Variants in TMEM266 observed in about 807,000 individuals in gnomAD.
TMEM266 encodes the protein transmembrane protein 266.
TMEM266 carries 33 observed loss-of-function variants against 50.5 expected under a neutral mutation model. That is an observed-to-expected ratio of 0.65 (90% confidence interval 0.50 to 0.87). TMEM266 has a LOEUF of 0.87. Among genes scored for constraint, TMEM266 ranks in the 40% least tolerant of loss-of-function variants. The pLI is 0.00. For synonymous variants in TMEM266, 310 were observed against 292.3 expected (o/e 1.06, Z -0.62); for missense variants, 655 against 695.1 (o/e 0.94, Z 0.65).
At chr15:76,166,161 C>A (rs955838806) in intron 5 of TMEM266, among the ~76,000 whole-genome samples, 13 of 152,026 alleles carry the variant, frequency 8.6e-5, no homozygotes, top group Non-Finnish European at 1.8e-4. Context: ...CGGGGCAGGG[C>A]AGTGAGGTTC....
At chr15:76,198,359 G>GGGC (rs1405988412) in intron 9 of TMEM266, among the ~76,000 whole-genome samples, 2 of 151,110 alleles carry the variant, frequency 1.3e-5, no homozygotes, top group African/African-American at 4.9e-5. Context: ...GGACTCCTCA[G>GGGC]GGCTGAATCA....
intron 3 of TMEM266, among the ~76,000 whole-genome samples, chr15:76,151,726 G>A (rs2037846645): frequency 6.6e-6 from 1 of 152,056 alleles, no homozygotes; most frequent in Admixed American, 6.5e-5. Context: ...CCTCTTAGTA[G>A]GCCGCCAGAA....
intron 1 of TMEM266, among the ~76,000 whole-genome samples, chr15:76,077,515 G>T (rs2036623483): frequency 6.6e-6 from 1 of 152,008 alleles, no homozygotes; most frequent in African/African-American, 2.4e-5. Flanking sequence ...CTGGAAAAGG[G>T]GTCTTTGCAG....
intron 3 of TMEM266, 101 bp downstream of exon 3, chr15:76,137,996 C>T: frequency 1.7e-6 from 2 of 1,206,922 alleles, no homozygotes; most frequent in South Asian, 1.6e-5. Context: ...CAGAGGCGGG[C>T]AGATCACCTG....
chr15:76,199,520 C>T (rs930096444), intron 9 of TMEM266, among the ~76,000 whole-genome samples: 3 of 147,858 alleles, frequency 2.0e-5, no homozygotes, highest in Non-Finnish European at 4.5e-5. Flanking sequence ...GGTCTGGCCT[C>T]AGCTCCTGCA....
chr15:76,198,643 T>C (rs1160147770), intron 9 of TMEM266, among the ~76,000 whole-genome samples: 2 of 152,244 alleles, frequency 1.3e-5, no homozygotes, highest in African/African-American at 4.8e-5. Context: ...TTCTGTCCAG[T>C]CCAGCCTAAT....
chr15:76,126,308 G>A (rs1293968099), intron 1 of TMEM266, among the ~76,000 whole-genome samples: 1 of 149,132 alleles, frequency 6.7e-6, no homozygotes, highest in Non-Finnish European at 1.5e-5. Context: ...TCCAAGATTT[G>A]GAAGCAACCT....
chr15:76,097,609 G>A lies in TMEM266; in HGVS notation c.-96-36559G>A, dbSNP rs149512560. ...TCTTCTTGAGGAGTATCTTTGTGGT[G>A]TTCTCTGTATTTCCTGAATTTGAAT... On this transcript the variant is annotated intron_variant, in intron 1 of 10. Coordinates refer to ENST00000388942, the MANE Select transcript of TMEM266 (RefSeq NM_152335.3). Among the ~76,000 whole-genome samples, 2 of 151,612 alleles carry A rather than the reference G, an allele frequency of 1.3e-5. 1 individual carries two copies. Among genetic ancestry groups the A allele is most frequent in the Non-Finnish European group, 2.9e-5 (2 of 67,884 alleles).
chr15:76,072,166 C>T (rs1046141707), intron 1 of TMEM266, among the ~76,000 whole-genome samples: 5 of 151,900 alleles, frequency 3.3e-5, no homozygotes, highest in African/African-American at 9.7e-5. Context: ...CGGCCGGGTG[C>T]GGTGGCTCAT....
At chr15:76,077,661 C>T (rs76020251) in intron 1 of TMEM266, among the ~76,000 whole-genome samples, 7 of 151,942 alleles carry the variant, frequency 4.6e-5, no homozygotes, top group African/African-American at 1.2e-4. Flanking sequence ...GCAACGTGAC[C>T]GTGGATACAG....
intron 1 of TMEM266, among the ~76,000 whole-genome samples, chr15:76,124,369 A>G (rs1346182257): frequency 1.3e-5 from 2 of 152,202 alleles, no homozygotes; most frequent in African/African-American, 4.8e-5. Context: ...AAAACTAGAA[A>G]ACATTGTTGA....
At chr15:76,065,265 G>A (rs896170921) in intron 1 of TMEM266, among the ~76,000 whole-genome samples, 2 of 152,128 alleles carry the variant, frequency 1.3e-5, no homozygotes, top group Non-Finnish European at 2.9e-5. Context: ...TTCTATGCAA[G>A]GCTCTATCAC....
At chr15:76,134,341 T>C in intron 2 of TMEM266, 40 bp downstream of exon 2, 1 of 1,592,698 alleles carries the variant, frequency 6.3e-7, no homozygotes, top group Non-Finnish European at 8.6e-7. Flanking sequence ...TCCAGAACTG[T>C]GGCTATAAAT....
At position 76,134,202 on chromosome 15, in the gene TMEM266, G is replaced by T; in HGVS notation, c.-62G>T. ...TTTGTATGTGTCTTGTAGAACCCAC[G>T]CTTGGAAATGCTGACAGCAGGCTTC... On this transcript the variant is annotated 5_prime_UTR_variant, in exon 2 of 11. Transcript: ENST00000388942. 1 of 1,571,208 alleles carries T rather than the reference G, an allele frequency of 6.4e-7. No individual in the cohort carries two copies. Among genetic ancestry groups the T allele is most frequent in the South Asian group, 1.1e-5 (1 of 89,572 alleles).
Position 76,204,447 on chromosome 15 carries a change from C to A in TMEM266, c.*132C>A. The A allele has an allele frequency of 1.2e-6, 1 of 844,146 alleles. No individual in the cohort carries two copies. Among genetic ancestry groups the A allele is most frequent in the Non-Finnish European group, 1.8e-6 (1 of 555,944 alleles). The allele number at this position is 844,146 out of a possible 1,614,324, so 52.3% of individuals were successfully genotyped here. On this transcript the variant is annotated 3_prime_UTR_variant, in exon 11 of 11. Transcript: ENST00000388942. The stretch of plus-strand genomic sequence containing the variant: ...CCTCCCTCAGGGTGCTGCCTGCCTC[C>A]AGGGAGGCGACGCCAGGCCAGGAGG...
intron 3 of TMEM266, among the ~76,000 whole-genome samples, chr15:76,141,515 AGG>A (rs1202596867): frequency 1.3e-5 from 2 of 152,160 alleles, no homozygotes; most frequent in Non-Finnish European, 2.9e-5. Flanking sequence ...TTGGGATTAC[AGG>A]CGTGAGCCAC....
intron 1 of TMEM266, among the ~76,000 whole-genome samples, chr15:76,061,701 C>T (rs2036307095): frequency 6.6e-6 from 1 of 152,202 alleles, no homozygotes; most frequent in Non-Finnish European, 1.5e-5. Flanking sequence ...CCATTTAATT[C>T]TCACACACAA....
intron 1 of TMEM266, among the ~76,000 whole-genome samples, chr15:76,131,255 T>C (rs1434189220): frequency 6.6e-6 from 1 of 152,178 alleles, no homozygotes; most frequent in African/African-American, 2.4e-5. Flanking sequence ...TAATCCCAGC[T>C]ACTTGGGAGG....
intron 1 of TMEM266, among the ~76,000 whole-genome samples, chr15:76,089,763 G>A (rs2036824618): frequency 6.6e-6 from 1 of 152,164 alleles, no homozygotes; most frequent in South Asian, 2.1e-4. Context: ...GGCAAGTTGG[G>A]AGTTGTTTCA....
Sources: gnomAD v4.1 joint callset for allele counts (sites outside exome capture counted in the v4.1 genomes callset) on GRCh38, gnomAD v4.1.1 for gene constraint, MANE v1.5 for transcripts, NCBI Gene and HGNC (gene_info 2026-07-23, HGNC 2026-07-21) for gene names.